The following RAP1GAP2 variants were observed in gnomAD, a reference collection of about 807,000 sequenced individuals.
RAP1GAP2 encodes rap1 GTPase-activating protein 2.
Under a neutral mutation model 95.0 loss-of-function variants are expected in RAP1GAP2, and 27 were observed. That is an observed-to-expected ratio of 0.28 (90% CI 0.21 to 0.39). The LOEUF is 0.39. Ranked by LOEUF, RAP1GAP2 falls within the 10% of genes least tolerant of loss-of-function variation. RAP1GAP2 has a pLI of 1.00. For missense variants in RAP1GAP2, 771 were observed against 970.0 expected, an observed-to-expected ratio of 0.79 and a Z score of 2.72; for synonymous variants, 373 against 380.9, an observed-to-expected ratio of 0.98 and a Z score of 0.24.
chr17:2,810,076 G>A (rs1419525837), intron 2 of RAP1GAP2, among the ~76,000 whole-genome samples: 4 of 151,332 alleles, frequency 2.6e-5, no homozygotes, highest in Non-Finnish European at 5.9e-5. Flanking sequence ...GAAGGCTCTG[G>A]GTGAGGCTAT....
At chr17:2,993,219 CAA>C (rs201866665) in intron 12 of RAP1GAP2, among the ~76,000 whole-genome samples, 143 of 105,522 alleles carry the variant, frequency 1.4e-3, no homozygotes, top group African/African-American at 3.3e-3. Context: ...GAGACTCTGT[CAA>C]AAAAAAAAAA....
At chr17:2,791,463 T>C (rs143548717), upstream of RAP1GAP2, among the ~76,000 whole-genome samples, 6 of 152,338 alleles carry the variant, frequency 3.9e-5, no homozygotes, top group African/African-American at 1.4e-4. Flanking sequence ...AGCTGAGTTT[T>C]GCTTTAGGAC....
At chr17:2,990,516 T>A (rs1328674698) in intron 11 of RAP1GAP2, among the ~76,000 whole-genome samples, 1 of 152,226 alleles carries the variant, frequency 6.6e-6, no homozygotes, top group African/African-American at 2.4e-5. Flanking sequence ...ACTCTGCGTT[T>A]AGCCTTTGGT....
chr17:2,989,426 G>A (rs929730178), intron 11 of RAP1GAP2, among the ~76,000 whole-genome samples: 15 of 151,950 alleles, frequency 9.9e-5, no homozygotes, highest in African/African-American at 3.6e-4. Flanking sequence ...TCTGCCTCCC[G>A]GGTTCCAGCG....
chr17:2,796,481 G>T lies in RAP1GAP2; in HGVS notation c.-47G>T. ...CGGCCCTCTTGCGGACAGCCCCGGG[G>T]ACGTCGTTGGGACATCGCTGGGACC... On this transcript the variant is annotated 5_prime_UTR_variant, in exon 1 of 25. Transcript: ENST00000254695. This position sits in a 1 kb window ranked among gnomAD's most constrained non-coding sequence, Gnocchi z 4.7. 6.4e-7 allele frequency: 1 copy of T among 1,550,740 alleles called. No homozygotes were observed. Among genetic ancestry groups the T allele is most frequent in the Non-Finnish European group, 8.7e-7 (1 of 1,146,592 alleles).
chr17:2,889,889 A>ATATT (rs1408426152), intron 2 of RAP1GAP2, among the ~76,000 whole-genome samples: 46 of 57,310 alleles, frequency 8.0e-4, no homozygotes, highest in African/African-American at 1.9e-3. Context: ...ATATATATAT[A>ATATT]TTTTTTTTTT....
At chr17:2,834,154 G>A (rs571828214) in intron 2 of RAP1GAP2, among the ~76,000 whole-genome samples, 32 of 152,296 alleles carry the variant, frequency 2.1e-4, no homozygotes, top group Non-Finnish European at 3.7e-4. Flanking sequence ...GGTGGCTAGA[G>A]AGTTGGCTGT....
chr17:2,995,657 C>A (rs1348910601), intron 13 of RAP1GAP2, among the ~76,000 whole-genome samples, 191 bp downstream of exon 13: 1 of 152,236 alleles, frequency 6.6e-6, no homozygotes, highest in East Asian at 1.9e-4. Flanking sequence ...GCGGTCCGTT[C>A]TGTTGTGTTT....
chr17:2,984,745 G>A (rs913627194), intron 10 of RAP1GAP2, among the ~76,000 whole-genome samples: 1 of 152,196 alleles, frequency 6.6e-6, no homozygotes, highest in Admixed American at 6.5e-5. Flanking sequence ...GGAGTGGAAT[G>A]AGTGATACAG....
chr17:2,896,633 A>C (rs2041834488), intron 2 of RAP1GAP2, among the ~76,000 whole-genome samples: 1 of 152,112 alleles, frequency 6.6e-6, no homozygotes, highest in Non-Finnish European at 1.5e-5. Context: ...CATCGCTCTG[A>C]GATATGTGCA....
At chr17:2,912,537 G>A (rs2042423627) in intron 3 of RAP1GAP2, among the ~76,000 whole-genome samples, 1 of 152,122 alleles carries the variant, frequency 6.6e-6, no homozygotes, top group African/African-American at 2.4e-5. Flanking sequence ...GGCAGGAAGG[G>A]CTGAAGGACA....
chr17:2,990,768 T>C (rs554666824), intron 11 of RAP1GAP2, among the ~76,000 whole-genome samples: 52 of 152,144 alleles, frequency 3.4e-4, no homozygotes, highest in Non-Finnish European at 6.6e-4. Flanking sequence ...TTATTTTTCA[T>C]TGTGGCCATC....
intron 11 of RAP1GAP2, among the ~76,000 whole-genome samples, chr17:2,986,206 A>T (rs1452986959): frequency 6.6e-6 from 1 of 152,224 alleles, no homozygotes; most frequent in African/African-American, 2.4e-5. Context: ...CCCTTAAGAG[A>T]CATGCGTTTG....
chr17:2,810,785 T>C (rs2069739127), intron 2 of RAP1GAP2, among the ~76,000 whole-genome samples: 1 of 152,180 alleles, frequency 6.6e-6, no homozygotes, highest in Admixed American at 6.6e-5. Flanking sequence ...CGCCTCAGCC[T>C]CCCAAAGTGC....
rs1031096831 is a variant in RAP1GAP2, at chr17:2,827,845, A to G, written c.80+27295A>G. Among the ~76,000 whole-genome samples, 2 of 149,430 alleles carry G rather than the reference A, an allele frequency of 1.3e-5. No homozygotes were observed. Among genetic ancestry groups the G allele is most frequent in the Non-Finnish European group, 3.0e-5 (2 of 67,654 alleles). On this transcript the variant is annotated intron_variant, in intron 2 of 24. Coordinates refer to ENST00000254695, the MANE Select transcript of RAP1GAP2 (RefSeq NM_015085.5). This position sits in a 1 kb window ranked among gnomAD's most constrained non-coding sequence, Gnocchi z 4.1. ...AAAATCCCCTTGAAAAACAAGGGGG[A>G]GGGTTCATACACGATCGGTTGCAGC...
chr17:2,975,378 GA>G (rs1237900833), intron 8 of RAP1GAP2, among the ~76,000 whole-genome samples: 2 of 152,256 alleles, frequency 1.3e-5, no homozygotes, highest in Admixed American at 1.3e-4. Context: ...CATACCTAAA[GA>G]AAAATGGTGT....
At chr17:2,852,705 C>T (rs2071914920) in intron 2 of RAP1GAP2, among the ~76,000 whole-genome samples, 1 of 152,274 alleles carries the variant, frequency 6.6e-6, no homozygotes, top group African/African-American at 2.4e-5. Context: ...CAGCCCCCTG[C>T]CCACTTCCTT....
chr17:2,840,853 C>T (rs1377501553), intron 2 of RAP1GAP2, among the ~76,000 whole-genome samples: 1 of 152,124 alleles, frequency 6.6e-6, no homozygotes, highest in Non-Finnish European at 1.5e-5. Flanking sequence ...CAAAAATTAG[C>T]TGGGTGTGGT....
intron 2 of RAP1GAP2, among the ~76,000 whole-genome samples, chr17:2,826,358 T>G (rs6502555): frequency 6.6e-6 from 1 of 151,314 alleles, no homozygotes; most frequent in African/African-American, 2.4e-5. Context: ...TGGGGAAGTG[T>G]GTAGAGCTGT....
Sources: allele counts gnomAD v4.1 joint callset (sites outside exome capture counted in the v4.1 genomes callset), GRCh38; gene constraint gnomAD v4.1.1; non-coding constraint Gnocchi (gnomAD v3.1); transcripts MANE v1.5; gene names NCBI Gene and HGNC (gene_info 2026-07-23, HGNC 2026-07-21).